The following PUSL1 variants were observed in gnomAD, a reference collection of about 807,000 sequenced individuals.
The protein encoded by PUSL1 is tRNA pseudouridine synthase-like 1.
A neutral mutation model predicts 30.7 loss-of-function variants in PUSL1; 51 were observed. The observed-to-expected ratio is 1.66, with a 90% CI of 1.33 to 2.10. The LOEUF is 2.10. PUSL1 is among the 30% of genes most tolerant of loss of function. PUSL1 has a pLI of 0.00. For synonymous variants in PUSL1, 290 were observed against 192.1 expected (o/e 1.51, Z -4.21); for missense variants, 609 against 427.6 (o/e 1.42, Z -3.74).
chr1:1,309,823 A>G lies in PUSL1; in HGVS notation c.616A>G (p.Ser206Gly). 1 of 1,545,876 alleles carries G rather than the reference A, an allele frequency of 6.5e-7. No homozygotes were observed. The highest frequency in any genetic ancestry group is 1.2e-5 in the South Asian group (1 of 83,854). Residue 206 changes from serine (S) to glycine (G), a missense_variant, in exon 5 of 8, where the codon AGC (serine) becomes GGC (glycine). Ser to Gly is a moderately conservative substitution (Grantham distance 56). Coordinates refer to ENST00000379031, the MANE Select transcript of PUSL1 (RefSeq NM_153339.3). ...RRVSVSPGQASPLVTPEESRK... is the reference protein window; with the variant it reads ...RRVSVSPGQAGPLVTPEESRK... ...GGTCTCCGTTTCCCCAGGCCAAGCCAGCCCCTTGGTCACCCCCGAGGAGAG... is the reference window on the plus strand; with the variant it reads ...GGTCTCCGTTTCCCCAGGCCAAGCCGGCCCCTTGGTCACCCCCGAGGAGAG...
At chr1:1,310,529 G>A in intron 5 of PUSL1, 105 bp from the exon 6 acceptor site, 1 of 902,048 alleles carries the variant, frequency 1.1e-6, no homozygotes, top group South Asian at 1.6e-5. Flanking sequence ...TGGGAACCAG[G>A]CTCGTCTTTA....
rs764658227 is a variant in PUSL1 at position 1,309,586 on chromosome 1, C to T, written c.456C>T (p.Cys152=). The T allele has an allele frequency of 1.2e-6, 2 of 1,611,608 alleles. No individual in the cohort carries two copies. The highest frequency in any genetic ancestry group is 1.7e-6 in the Non-Finnish European group (2 of 1,179,462). Residue 152 remains cysteine (C), a synonymous_variant, in exon 4 of 8, where the codon TGC becomes TGT. Coordinates refer to ENST00000379031, the MANE Select transcript of PUSL1 (RefSeq NM_153339.3). ...TGCCGGTGTTTGAACGCAACCTATGCTGGACTCTCCCGGCAGAGTGAGTGT... is the reference window on the plus strand; with the variant it reads ...TGCCGGTGTTTGAACGCAACCTATGTTGGACTCTCCCGGCAGAGTGAGTGT... ...DELPVFERNL[C]WTLPADCLDM... is the part of the protein sequence containing the mutation.
chr1:1,308,623 C>T lies in PUSL1; in HGVS notation c.-21C>T, dbSNP rs1263069375. 4 of 1,469,964 alleles carry T rather than the reference C, an allele frequency of 2.7e-6. No homozygotes were observed. Among genetic ancestry groups the T allele is most frequent in the East Asian group, 6.6e-5 (2 of 30,168 alleles). 91.1% of individuals were successfully genotyped at this position (1,469,964 alleles called of 1,614,324 possible). A position where few individuals can be genotyped will look rare whatever the true frequency, so the allele number is the denominator to read the frequency against. ...TTCCTGCGCTGGAGGCCGCCTCTGA[C>T]GCCACCGGCTGGGCTCCGCCATGAG... is the stretch of plus-strand genomic sequence containing the variant. On this transcript the variant is annotated 5_prime_UTR_variant, in exon 1 of 8. In the 5' UTR this introduces an upstream ATG that the reference lacks. Coordinates refer to ENST00000379031, the MANE Select transcript of PUSL1 (RefSeq NM_153339.3).
rs141000161 is a variant in PUSL1 at position 1,309,920 on chromosome 1, C to T, written c.644+69C>T. 5.7e-4 allele frequency: 739 copies of T among 1,289,296 alleles called. 3 individuals carry two copies. The African/African-American group carries it at 0.01, about 18-fold the overall frequency. The allele number at this position is 1,289,296 out of a possible 1,614,324, so 79.9% of individuals were successfully genotyped here. A position where few individuals can be genotyped will look rare whatever the true frequency, so the allele number is the denominator to read the frequency against. On this transcript the variant is annotated intron_variant, in intron 5 of 7. Coordinates refer to ENST00000379031, the MANE Select transcript of PUSL1 (RefSeq NM_153339.3). ...TGCTGATTTTAGCTCCAGCACCTCC[C>T]CCAGTTTTAAGGCAAGGTGAGGCGG...
intron 6 of PUSL1, 108 bp downstream of exon 6, chr1:1,310,796 G>A (rs770621397): frequency 8.1e-6 from 13 of 1,609,858 alleles, no homozygotes; most frequent in Non-Finnish European, 1.0e-5. Flanking sequence ...AGGTACGGAG[G>A]ATGACGGCTG....
intron 5 of PUSL1, chr1:1,310,055 G>A: frequency 1.8e-6 from 1 of 546,112 alleles, no homozygotes; most frequent in Non-Finnish European, 3.2e-6. Flanking sequence ...CGGAGAACAG[G>A]GAAGGCTGCT....
intron 5 of PUSL1, chr1:1,310,088 T>C (rs767845452): frequency 3.8e-6 from 2 of 521,724 alleles, no homozygotes; most frequent in Non-Finnish European, 6.8e-6. Context: ...ACCCCTGCCA[T>C]GCCTGATGGA....
rs930748057 is a variant in PUSL1, at chr1:1,310,933, G to T, written c.724G>T (p.Val242Leu). 1.9e-6 allele frequency: 3 copies of T among 1,613,162 alleles called. No homozygotes were observed. The highest frequency in any genetic ancestry group is 2.5e-6 in the Non-Finnish European group (3 of 1,179,946). ...RQVRRMTAVL[V>L]AVGLGALAPA... ...GGTACGGAGGATGACGGCTGTGCTGGTGGCCGTGGGGCTGGGGGCTTTGGC... is the reference window on the plus strand; with the variant it reads ...GGTACGGAGGATGACGGCTGTGCTGTTGGCCGTGGGGCTGGGGGCTTTGGC... Residue 242 changes from valine to leucine, a missense_variant, in exon 7 of 8, where the codon GTG (valine) becomes TTG (leucine). Coordinates refer to ENST00000379031, the MANE Select transcript of PUSL1 (RefSeq NM_153339.3).
rs1557621183 is a variant in PUSL1, at chr1:1,309,546, A to AC, written c.418dup (p.Arg140ProfsTer3). The AC allele has an allele frequency of 1.2e-6, 2 of 1,611,152 alleles. No homozygotes were observed. The highest frequency in any genetic ancestry group is 1.7e-6 in the Non-Finnish European group (2 of 1,179,522). Reference sequence around the variant, plus strand: ...CTGTACCGCCTGGCCACTGGCTGTCACCGGCGTGATGAGCTGCCGGTGTTT... The same window carrying AC: ...CTGTACCGCCTGGCCACTGGCTGTCACCCGGCGTGATGAGCTGCCGGTGTTT... On this transcript the variant is annotated frameshift_variant, in exon 4 of 8. Transcript: ENST00000379031. LOFTEE classifies it high-confidence loss of function.
chr1:1,309,872 T>C (rs1240269378), intron 5 of PUSL1, 21 bp downstream of exon 5: 5 of 1,470,956 alleles, frequency 3.4e-6, no homozygotes, highest in Non-Finnish European at 4.5e-6. Context: ...GCCCCTGGGC[T>C]GTGGCCCTGC....
In PUSL1 at chr1:1,309,796, C is replaced by T. The variant is rs34738574; in HGVS notation, c.589C>T (p.Arg197Trp). ...GCCGAGCCCCGTGCGAACGCTGCGC[C>T]GGGTCTCCGTTTCCCCAGGCCAAGC... is the stretch of plus-strand genomic sequence containing the variant. ...PVPSPVRTLR[R>W]VSVSPGQASP... Residue 197 changes from arginine to tryptophan, a missense_variant, in exon 5 of 8, where the codon CGG becomes TGG. Physicochemically the swap from Arg to Trp is moderately radical, Grantham distance 101. Transcript: ENST00000379031. The T allele has an allele frequency of 8.7e-3, 13,545 of 1,555,660 alleles. 955 individuals are homozygous for T. In the African/African-American group the frequency reaches 0.16, roughly 18 times the overall value.
At position 1,309,229 on chromosome 1, in the gene PUSL1, C is replaced by A; in HGVS notation, c.279C>A (p.Val93=). ...GCCGGCCGCCCTTCCCGCCCGAGGT[C>A]CTGGCCGAGGCCCTCAACACACACC... The part of the protein sequence containing the change: ...RSGRPPFPPE[V]LAEALNTHLR... The change falls in exon 3 of 8, where the codon GTC becomes GTA. Residue 93 remains valine (V), a synonymous_variant. Coordinates refer to ENST00000379031, the MANE Select transcript of PUSL1 (RefSeq NM_153339.3). 1 of 1,518,580 alleles carries A rather than the reference C, an allele frequency of 6.6e-7. No individual in the cohort carries two copies. The highest frequency in any genetic ancestry group is 1.4e-5 in the African/African-American group (1 of 72,454). 94.1% of individuals were successfully genotyped at this position (1,518,580 alleles called of 1,614,324 possible).
rs1029668970 is a variant in PUSL1 at position 1,309,384 on chromosome 1, G to A, written c.324-70G>A. Reference sequence around the variant, plus strand: ...CCTTGTCTGGTCGGAGCTCGAGGGGGAAGGAGAGCCAATGTGACACCGCGG... The same window carrying A: ...CCTTGTCTGGTCGGAGCTCGAGGGGAAAGGAGAGCCAATGTGACACCGCGG... On this transcript the variant is annotated intron_variant, in intron 3 of 7. Coordinates refer to ENST00000379031, the MANE Select transcript of PUSL1 (RefSeq NM_153339.3). 4.0e-6 allele frequency: 6 copies of A among 1,504,008 alleles called. No homozygotes were observed. In the East Asian group the frequency reaches 7.4e-5, roughly 18 times the overall value. 93.2% of individuals were successfully genotyped at this position (1,504,008 alleles called of 1,614,324 possible).
rs1642083380 is a variant in PUSL1 at position 1,310,703 on chromosome 1, G to A, written c.699+15G>A. ...TGTATAGACAGGTAGGCTCTGTTCTGGGGCCGTCCCCAGGGGGTGGGGCTG... is the reference window on the plus strand; with the variant it reads ...TGTATAGACAGGTAGGCTCTGTTCTAGGGCCGTCCCCAGGGGGTGGGGCTG... On this transcript the variant is annotated intron_variant, in intron 6 of 7. Transcript: ENST00000379031. 3.1e-6 allele frequency: 5 copies of A among 1,611,960 alleles called. No individual in the cohort carries two copies. The highest frequency in any genetic ancestry group is 1.7e-5 in the Admixed American group (1 of 59,994).
At chr1:1,309,878 C>CT in intron 5 of PUSL1, 27 bp downstream of exon 5, 2 of 1,463,256 alleles carry the variant, frequency 1.4e-6, no homozygotes, top group South Asian at 2.7e-5. Flanking sequence ...GGGCTGTGGC[C>CT]CTGCCCTCAA....
chr1:1,311,468 G>A lies in PUSL1; in HGVS notation c.*89G>A, dbSNP rs1434663451. ...CAGTCACAGCTGCTTGGGGCCCACA[G>A]CACTGCTGCCTGGTCTCCACAGTAG... On this transcript the variant is annotated 3_prime_UTR_variant, in exon 8 of 8. Transcript: ENST00000379031. 1.5e-6 allele frequency: 2 copies of A among 1,340,462 alleles called. No individual in the cohort carries two copies. Among genetic ancestry groups the A allele is most frequent in the East Asian group, 2.5e-5 (1 of 40,698 alleles). 83.0% of individuals were successfully genotyped at this position (1,340,462 alleles called of 1,614,324 possible). A position where few individuals can be genotyped will look rare whatever the true frequency, so the allele number is the denominator to read the frequency against.
In PUSL1 at chr1:1,309,176, G is replaced by C. The variant is rs934964804; in HGVS notation, c.226G>C (p.Ala76Pro). 1 of 1,537,978 alleles carries C rather than the reference G, an allele frequency of 6.5e-7. No individual in the cohort carries two copies. The change falls in exon 3 of 8, where the codon GCG becomes CCG. Residue 76 changes from alanine to proline, a missense_variant. Coordinates refer to ENST00000379031, the MANE Select transcript of PUSL1 (RefSeq NM_153339.3). Reference sequence around the variant, plus strand: ...CGGGGTCCACGCCCTGAGCAACGCGGCGCACCTGGACGTCCAGCGCCGCTC... The same window carrying C: ...CGGGGTCCACGCCCTGAGCAACGCGCCGCACCTGGACGTCCAGCGCCGCTC... ...DAGVHALSNAAHLDVQRRSGR... is the reference protein window; with the variant it reads ...DAGVHALSNAPHLDVQRRSGR...
At chr1:1,310,313 C>T (rs879389795) in intron 5 of PUSL1, 4 of 395,936 alleles carry the variant, frequency 1.0e-5, no homozygotes, top group African/African-American at 2.0e-5. Flanking sequence ...GGGTCTCTGG[C>T]ACCCGCACCA....
At position 1,309,677 on chromosome 1, in the gene PUSL1, G is replaced by C. The variant is rs1432078948; in HGVS notation, c.474-4G>C. ...CCTCCTGACGGTCACCCTGGTCCCT[G>C]AAGCTGCCTGGATATGGTCGCCATG... On this transcript the variant is annotated splice_region_variant and splice_polypyrimidine_tract_variant and intron_variant, in intron 4 of 7. Transcript: ENST00000379031. The C allele has an allele frequency of 6.3e-7, 1 of 1,595,684 alleles. No homozygotes were observed. Among genetic ancestry groups the C allele is most frequent in the Non-Finnish European group, 8.6e-7 (1 of 1,167,378 alleles).
Sources: gnomAD v4.1 joint callset for allele counts on GRCh38, gnomAD v4.1.1 for gene constraint, MANE v1.5 for transcripts, NCBI Gene and HGNC (gene_info 2026-07-23, HGNC 2026-07-21) for gene names.